ADGRV1: variants seen among roughly 807,000 people sequenced by gnomAD.
ADGRV1 encodes G-protein coupled receptor 98.
Under a neutral mutation model 596.2 loss-of-function variants are expected in ADGRV1, and 359 were observed. The ratio of observed to expected loss-of-function variants is 0.60; its 90% CI spans 0.55 to 0.66. The LOEUF (loss-of-function observed/expected upper bound fraction) is 0.66. Ranked by LOEUF, ADGRV1 falls within the 30% of genes least tolerant of loss-of-function variation. The pLI, the probability that ADGRV1 is intolerant of heterozygous loss-of-function variation, is 0.00. For synonymous variants in ADGRV1, 2,681 were observed against 2,679.2 expected (o/e 1.00, Z -0.02); for missense variants, 7,274 against 7,575.6 (o/e 0.96, Z 1.48).
In ADGRV1 at chr5:90,909,528, C is replaced by G. The variant is rs1176652227; in HGVS notation, c.17856+45671C>G. On this transcript the variant is annotated intron_variant, in intron 83 of 89. Transcript: ENST00000405460. ...ACCAGACAAATTGGAGTCCTGGTCT[C>G]TTGCCCAGCTTCTTGTTCTGTCATA... is the stretch of plus-strand genomic sequence containing the variant. 3.3e-5 allele frequency among the ~76,000 whole-genome samples: 5 copies of G among 152,156 alleles called. No individual in the cohort carries two copies. In the East Asian group the frequency reaches 9.6e-4, roughly 29 times the overall value.
chr5:90,649,238 G>A (rs1039040891), intron 17 of ADGRV1, among the ~76,000 whole-genome samples: 1 of 152,084 alleles, frequency 6.6e-6, no homozygotes, highest in African/African-American at 2.4e-5. Context: ...TCTTGACCTT[G>A]TGATCTACCC....
chr5:90,780,050 T>C (rs1032548204), intron 64 of ADGRV1: 1 of 152,202 alleles, frequency 6.6e-6, no homozygotes, highest in Admixed American at 6.5e-5. Flanking sequence ...CTAGTAAATA[T>C]AGTAAAAAGT....
At position 90,935,792 on chromosome 5, in the gene ADGRV1, TG is replaced by T. The variant is rs545542270; in HGVS notation, c.17857-29622del. Among the ~76,000 whole-genome samples, 499 of 152,240 alleles carry T rather than the reference TG, an allele frequency of 3.3e-3. 1 individual carries two copies. The highest frequency in any genetic ancestry group is 5.4e-3 in the Non-Finnish European group (366 of 68,016). ...AATGTGGTTTGAAGGCCACCTTGAT[TG>T]TGGTAACCTGGATTGCTTGTTACAA... is the stretch of plus-strand genomic sequence containing the variant. On this transcript the variant is annotated intron_variant, in intron 83 of 89. Transcript: ENST00000405460.
rs1374452182 is a variant in ADGRV1 at position 91,164,360 on chromosome 5, GA to G, written c.*462del. Reference sequence around the variant, plus strand: ...CAGATTCAAGACTTCACTGCAACTAGAAGACTTTAATTCTGAAAACTGTAAA... The same window carrying G: ...CAGATTCAAGACTTCACTGCAACTAGAGACTTTAATTCTGAAAACTGTAAA... On this transcript the variant is annotated 3_prime_UTR_variant, in exon 90 of 90. Transcript: ENST00000405460. The G allele has an allele frequency of 4.2e-6, 1 of 236,548 alleles. No individual in the cohort carries two copies. The highest frequency in any genetic ancestry group is 8.6e-6 in the Non-Finnish European group (1 of 116,918). 14.7% of individuals were successfully genotyped at this position (236,548 alleles called of 1,614,324 possible).
At position 90,774,221 on chromosome 5, in the gene ADGRV1, T is replaced by A; in HGVS notation, c.12321T>A (p.Leu4107=). 1 of 1,611,004 alleles carries A rather than the reference T, an allele frequency of 6.2e-7. No homozygotes were observed. Among genetic ancestry groups the A allele is most frequent in the African/African-American group, 1.3e-5 (1 of 74,934 alleles). Residue 4107 remains leucine (L), a synonymous_variant, in exon 60 of 90, where the codon CTT becomes CTA. Transcript: ENST00000405460. ...ESQKTIVLHT[L]QDTVLEEDRR... Reference sequence around the variant, plus strand: ...AGAAGACCATTGTGTTGCACACACTTCAAGACACAGTGTTGGAGGAGGACA... The same window carrying A: ...AGAAGACCATTGTGTTGCACACACTACAAGACACAGTGTTGGAGGAGGACA...
chr5:91,106,891 G>A (rs1461603254), intron 87 of ADGRV1, among the ~76,000 whole-genome samples: 3 of 152,222 alleles, frequency 2.0e-5, no homozygotes, highest in Non-Finnish European at 2.9e-5. Flanking sequence ...GCTAGGAAGA[G>A]AACCTGGATA....
chr5:90,703,714 T>G lies in ADGRV1; in HGVS notation c.8205T>G (p.Asn2735Lys). The change falls in exon 35 of 90, where the codon AAT becomes AAG. Residue 2735 changes from asparagine (N) to lysine (K), a missense_variant. Coordinates refer to ENST00000405460, the MANE Select transcript of ADGRV1 (RefSeq NM_032119.4). ...TAAGAACTTTCCCTGGTCGAGGAAA[T>G]GTTACTGTTAACTGGAAAATTATTG... is the stretch of plus-strand genomic sequence containing the variant. ...HVIRTFPGRG[N>K]VTVNWKIIGQ... 1.2e-6 allele frequency: 2 copies of G among 1,605,598 alleles called. No homozygotes were observed. Among genetic ancestry groups the G allele is most frequent in the Non-Finnish European group, 1.7e-6 (2 of 1,175,074 alleles).
intron 87 of ADGRV1, among the ~76,000 whole-genome samples, chr5:91,131,411 T>C (rs891859043): frequency 4.6e-5 from 7 of 151,728 alleles, no homozygotes; most frequent in Admixed American, 2.0e-4. Flanking sequence ...TCTTTTGAAG[T>C]GTCTGTTTGG....
chr5:90,652,686 T>G, intron 19 of ADGRV1, 123 bp downstream of exon 19: 1 of 610,320 alleles, frequency 1.6e-6, no homozygotes, highest in Non-Finnish European at 2.8e-6. Flanking sequence ...GTGTCATGAC[T>G]ATCTGATTTT....
intron 82 of ADGRV1, among the ~76,000 whole-genome samples, chr5:90,860,225 C>T (rs1047146560): frequency 6.6e-6 from 1 of 152,164 alleles, no homozygotes; most frequent in Non-Finnish European, 1.5e-5. Flanking sequence ...CCTCACCACT[C>T]TAGAATAACT....
At chr5:91,146,374 T>C (rs948211577) in intron 87 of ADGRV1, among the ~76,000 whole-genome samples, 4 of 152,206 alleles carry the variant, frequency 2.6e-5, no homozygotes, top group Non-Finnish European at 5.9e-5. Context: ...GGAACAGCAA[T>C]ACAAATTTTG....
In ADGRV1 at chr5:90,665,526, A is replaced by T. The variant is rs993777006; in HGVS notation, c.4753-7020A>T. Among the ~76,000 whole-genome samples the T allele has an allele frequency of 1.1e-4, 16 of 151,512 alleles. 1 individual carries two copies. The highest frequency in any genetic ancestry group is 2.1e-4 in the Non-Finnish European group (14 of 67,940). Reference sequence around the variant, plus strand: ...TCTTTTTTTCTTTATTAGTCTTGCTAGCGGTCTATTTATTTTGTCGATCCT... The same window carrying T: ...TCTTTTTTTCTTTATTAGTCTTGCTTGCGGTCTATTTATTTTGTCGATCCT... On this transcript the variant is annotated intron_variant, in intron 21 of 89. Coordinates refer to ENST00000405460, the MANE Select transcript of ADGRV1 (RefSeq NM_032119.4).
At position 90,694,134 on chromosome 5, in the gene ADGRV1, G is replaced by A. The variant is rs1746859592; in HGVS notation, c.7378G>A (p.Gly2460Ser). Residue 2460 changes from glycine to serine, a missense_variant, in exon 33 of 90, where the codon GGT becomes AGT. By Grantham distance (56) the Gly-to-Ser change is moderately conservative. Transcript: ENST00000405460. The part of the protein sequence containing the change: ...SAFSFFSASE[G>S]PQCFWMTSWI... Reference sequence around the variant, plus strand: ...GTTTTCATTTTTCAGTGCTTCTGAGGGTCCCCAGTGTTTCTGGATGACATC... The same window carrying A: ...GTTTTCATTTTTCAGTGCTTCTGAGAGTCCCCAGTGTTTCTGGATGACATC... The A allele has an allele frequency of 1.2e-6, 2 of 1,613,616 alleles. No individual in the cohort carries two copies. Among genetic ancestry groups the A allele is most frequent in the African/African-American group, 2.7e-5 (2 of 74,916 alleles).
intron 85 of ADGRV1, among the ~76,000 whole-genome samples, chr5:91,067,063 G>A (rs1449579701): frequency 6.6e-6 from 1 of 152,066 alleles, no homozygotes; most frequent in Non-Finnish European, 1.5e-5. Context: ...TCAGGATTGG[G>A]TCATTTTCCT....
intron 59 of ADGRV1, among the ~76,000 whole-genome samples, chr5:90,764,265 A>G (rs2460165): frequency 0.51 from 78,098 of 151,978 alleles, 20,140 homozygotes; most frequent in Admixed American, 0.63. Context: ...GCTCAGGGCA[A>G]GGCCTCTTCC....
intron 1 of ADGRV1, among the ~76,000 whole-genome samples, chr5:90,577,527 G>A (rs1192957270): frequency 6.6e-6 from 1 of 152,202 alleles, no homozygotes; most frequent in Non-Finnish European, 1.5e-5. Flanking sequence ...TAGCCTTGTA[G>A]TATAGTTTGA....
At chr5:91,129,096 T>C (rs907383037) in intron 87 of ADGRV1, among the ~76,000 whole-genome samples, 1 of 152,220 alleles carries the variant, frequency 6.6e-6, no homozygotes. Flanking sequence ...TGTTTTCCTA[T>C]GGCATTTATG....
At chr5:90,969,570 C>A (rs1453122007) in intron 84 of ADGRV1, among the ~76,000 whole-genome samples, 1 of 152,188 alleles carries the variant, frequency 6.6e-6, no homozygotes, top group Non-Finnish European at 1.5e-5. Flanking sequence ...AGAAGTCACA[C>A]AGTGCAAAGC....
intron 86 of ADGRV1, chr5:91,091,605 C>G (rs907780494): frequency 6.6e-6 from 1 of 151,986 alleles, no homozygotes; most frequent in East Asian, 1.9e-4. Context: ...TTAGGATTCT[C>G]CATAGAAACA....
Sources: allele counts gnomAD v4.1 joint callset (sites outside exome capture counted in the v4.1 genomes callset), GRCh38; gene constraint gnomAD v4.1.1; transcripts MANE v1.5; gene names NCBI Gene and HGNC (gene_info 2026-07-23, HGNC 2026-07-21).